IL1RL2: variants seen among roughly 807,000 people sequenced by gnomAD.
IL1RL2 encodes interleukin 1 receptor like 2.
In IL1RL2, 68 loss-of-function variants were observed where a neutral mutation model predicts 66.8. The observed-to-expected ratio is 1.02, with a 90% CI of 0.84 to 1.25. The LOEUF (loss-of-function observed/expected upper bound fraction) is 1.25, where lower values mean the gene tolerates loss of function less well. Among genes scored for constraint, IL1RL2 ranks in the 50% most tolerant of loss-of-function variants. The pLI, the probability that IL1RL2 is intolerant of heterozygous loss-of-function variation, is 0.00. For missense variants in IL1RL2, 729 were observed against 709.3 expected, an observed-to-expected ratio of 1.03 and a Z score of -0.32; for synonymous variants, 305 against 264.6, an observed-to-expected ratio of 1.15 and a Z score of -1.48.
At chr2:102,192,595 T>C (rs75968506) in intron 4 of IL1RL2, among the ~76,000 whole-genome samples, 1 of 152,210 alleles carries the variant, frequency 6.6e-6, no homozygotes, top group East Asian at 1.9e-4. Flanking sequence ...TAAAAATATA[T>C]AGTCTAGCTC....
intron 8 of IL1RL2, among the ~76,000 whole-genome samples, chr2:102,221,517 C>A (rs896343113): frequency 1.3e-5 from 2 of 152,134 alleles, no homozygotes; most frequent in Non-Finnish European, 2.9e-5. Context: ...CTGTATCTTC[C>A]ACGTTGTTCA....
intron 2 of IL1RL2, among the ~76,000 whole-genome samples, chr2:102,188,587 C>CAAAAAAAAAAA (rs374522339): frequency 1.1e-4 from 10 of 94,952 alleles, no homozygotes; most frequent in African/African-American, 2.7e-4. Flanking sequence ...GACTCCGTCT[C>CAAAAAAAAAAA]AAAAAAAAAA....
chr2:102,186,996 A>G (rs1226213975), upstream of IL1RL2: 1 of 1,288,934 alleles, frequency 7.8e-7, no homozygotes, highest in Admixed American at 2.3e-5. Flanking sequence ...GCGGGGAAAT[A>G]CCTAGGCATG....
At chr2:102,208,616 C>A (rs1204781754) in intron 5 of IL1RL2, among the ~76,000 whole-genome samples, 1 of 152,234 alleles carries the variant, frequency 6.6e-6, no homozygotes, top group African/African-American at 2.4e-5. Flanking sequence ...CTAGGGGAGA[C>A]TGAGCTATTT....
intron 3 of IL1RL2, among the ~76,000 whole-genome samples, chr2:102,189,598 CTTTTTCTTTTCTTTTTTA>C (rs1687050577): frequency 6.6e-6 from 1 of 152,012 alleles, no homozygotes; most frequent in Non-Finnish European, 1.5e-5. Flanking sequence ...TTCCTGTTTT[CTTTTTCTTTTCTTTTTTA>C]TTTTTCTTTT....
chr2:102,223,925 T>C (rs543096325), intron 8 of IL1RL2, among the ~76,000 whole-genome samples: 8 of 152,268 alleles, frequency 5.3e-5, no homozygotes, highest in African/African-American at 1.9e-4. Context: ...CAGGATTGGA[T>C]TGGGCACCGG....
At chr2:102,206,842 C>T (rs1227009130) in intron 5 of IL1RL2, among the ~76,000 whole-genome samples, 1 of 152,226 alleles carries the variant, frequency 6.6e-6, no homozygotes, top group African/African-American at 2.4e-5. Context: ...CAAGGTCTCT[C>T]AGGCCCTGGG....
rs1458254541 is a variant in IL1RL2 at position 102,187,938 on chromosome 2, T to A, written c.58+13T>A. 4.3e-6 allele frequency: 7 copies of A among 1,613,174 alleles called. No individual in the cohort carries two copies. The highest frequency in any genetic ancestry group is 5.9e-6 in the Non-Finnish European group (7 of 1,179,190). ...TCTGTCACAGCAGGTACGTTCCGTGTGTCCTCCGTTCCCAGAGGCTGCCCG... is the reference window on the plus strand; with the variant it reads ...TCTGTCACAGCAGGTACGTTCCGTGAGTCCTCCGTTCCCAGAGGCTGCCCG... On this transcript the variant is annotated intron_variant, in intron 2 of 11. Transcript: ENST00000264257.
chr2:102,192,203 A>G (rs2104713503), intron 4 of IL1RL2, 83 bp downstream of exon 4: 1 of 940,628 alleles, frequency 1.1e-6, no homozygotes, highest in South Asian at 1.8e-5. Flanking sequence ...GTATTTTTTA[A>G]GGCAGAATTG....
At chr2:102,205,602 A>C (rs1027493502) in intron 5 of IL1RL2, among the ~76,000 whole-genome samples, 3 of 152,124 alleles carry the variant, frequency 2.0e-5, no homozygotes, top group Non-Finnish European at 2.9e-5. Flanking sequence ...CTGCTGCTAG[A>C]TGTATTAGAG....
At chr2:102,187,832 C>A (rs1343026817) in intron 1 of IL1RL2, 24 bp from the exon 2 acceptor site, 2 of 1,609,300 alleles carry the variant, frequency 1.2e-6, no homozygotes, top group South Asian at 2.2e-5. Flanking sequence ...CCTCCCCTCC[C>A]ACCCTCTTCT....
chr2:102,226,415 T>C (rs539994687), intron 9 of IL1RL2, among the ~76,000 whole-genome samples: 1 of 152,324 alleles, frequency 6.6e-6, no homozygotes, highest in African/African-American at 2.4e-5. Context: ...GGGTACTTTC[T>C]CAGAATCTGG....
rs751635049 is a variant in IL1RL2 at position 102,212,183 on chromosome 2, A to C, written c.724+9A>C. On this transcript the variant is annotated intron_variant, in intron 6 of 11. Coordinates refer to ENST00000264257, the MANE Select transcript of IL1RL2 (RefSeq NM_003854.4). ...AATTGAAGTACAGCTTGGTGAGTAA[A>C]ATTATTGAAGCCATTGAAATCACCA... 5.7e-6 allele frequency: 9 copies of C among 1,589,596 alleles called. No individual in the cohort carries two copies. The Admixed American group carries it at 1.5e-4, about 27-fold the overall frequency.
In IL1RL2 at chr2:102,195,642, TC is replaced by T. The variant is rs1380147313; in HGVS notation, c.489+3523del. 3.9e-4 allele frequency among the ~76,000 whole-genome samples: 14 copies of T among 36,092 alleles called. 1 individual carries two copies. Among genetic ancestry groups the T allele is most frequent in the African/African-American group, 1.0e-3 (14 of 13,494 alleles). The allele number at this position is 36,092 out of a possible 152,430, so 23.7% of individuals were successfully genotyped here. A position where few individuals can be genotyped will look rare whatever the true frequency, so the allele number is the denominator to read the frequency against. The stretch of plus-strand genomic sequence containing the variant: ...CTTTCTTTCTTTCTCTCTCTCTCTC[TC>T]TCTCTTTCTTTCTTTCTTTCTTTCT... On this transcript the variant is annotated intron_variant, in intron 4 of 11. Transcript: ENST00000264257.
chr2:102,218,414 G>A (rs1689803406), intron 6 of IL1RL2, among the ~76,000 whole-genome samples: 1 of 152,108 alleles, frequency 6.6e-6, no homozygotes, highest in Non-Finnish European at 1.5e-5. Flanking sequence ...GCAAGATAAG[G>A]GAAAGAGAGG....
intron 4 of IL1RL2, among the ~76,000 whole-genome samples, chr2:102,195,625 C>CTT (rs70946677): frequency 4.9e-4 from 9 of 18,328 alleles, no homozygotes; most frequent in African/African-American, 1.3e-3. Context: ...TTCTTTCTTT[C>CTT]TTTCTCTCTC....
intron 10 of IL1RL2, among the ~76,000 whole-genome samples, chr2:102,234,294 A>T (rs1674641339): frequency 6.6e-6 from 1 of 152,212 alleles, no homozygotes; most frequent in African/African-American, 2.4e-5. Context: ...TAGTCTGGGG[A>T]TACAGAGTTA....
At chr2:102,212,739 C>T (rs1169579869) in intron 6 of IL1RL2, among the ~76,000 whole-genome samples, 2 of 152,038 alleles carry the variant, frequency 1.3e-5, no homozygotes, top group African/African-American at 4.8e-5. Flanking sequence ...GAGGCTGAGG[C>T]AGGCAGATCA....
At position 102,187,920 on chromosome 2, in the gene IL1RL2, C is replaced by T. The variant is rs778133204; in HGVS notation, c.53C>T (p.Thr18Ile). Residue 18 changes from threonine (T) to isoleucine (I), a missense_variant, in exon 2 of 12, where the codon ACA (threonine) becomes ATA (isoleucine). By Grantham distance (89) the Thr-to-Ile change is moderately conservative. Coordinates refer to ENST00000264257, the MANE Select transcript of IL1RL2 (RefSeq NM_003854.4). ...GLSIALPLSVTADGCKDIFMK... is the reference protein window; with the variant it reads ...GLSIALPLSVIADGCKDIFMK... ...TCCATCGCCCTTCCACTGTCTGTCA[C>T]AGCAGGTACGTTCCGTGTGTCCTCC... is the stretch of plus-strand genomic sequence containing the variant. The T allele has an allele frequency of 6.2e-6, 10 of 1,613,966 alleles. No homozygotes were observed. Among genetic ancestry groups the T allele is most frequent in the Non-Finnish European group, 8.5e-7 (1 of 1,179,952 alleles).
Sources: gnomAD v4.1 joint callset for allele counts (sites outside exome capture counted in the v4.1 genomes callset) on GRCh38, gnomAD v4.1.1 for gene constraint, MANE v1.5 for transcripts, NCBI Gene and HGNC (gene_info 2026-07-23, HGNC 2026-07-21) for gene names.